PSD3: variants seen among roughly 807,000 people sequenced by gnomAD.
The protein encoded by PSD3 is PH and SEC7 domain-containing protein 3.
A neutral mutation model predicts 105.5 loss-of-function variants in PSD3; 49 were observed. The ratio of observed to expected loss-of-function variants is 0.46; its 90% CI spans 0.37 to 0.59. The LOEUF (loss-of-function observed/expected upper bound fraction) is 0.59. PSD3 is among the 20% of genes least tolerant of loss of function. The probability of loss-of-function intolerance (pLI) is 0.00; values close to 1 mark genes in which losing one functional copy is unlikely to be tolerated. For synonymous variants in PSD3, 557 were observed against 457.8 expected (o/e 1.22, Z -2.77); for missense variants, 1,561 against 1,263.8 (o/e 1.24, Z -3.57).
At chr8:19,074,611 A>ATATATATTTTTTT (rs1324257417) in intron 1 of PSD3, among the ~76,000 whole-genome samples, 1 of 24,230 alleles carries the variant, frequency 4.1e-5, no homozygotes, top group Non-Finnish European at 7.4e-5. Context: ...ATATATATAT[A>ATATATATTTTTTT]TTTTTTTTTT....
intron 1 of PSD3, among the ~76,000 whole-genome samples, chr8:18,957,133 A>G (rs1208424822): frequency 1.3e-5 from 2 of 152,144 alleles, no homozygotes; most frequent in Non-Finnish European, 2.9e-5. Flanking sequence ...ACACTCTGGG[A>G]GGCCAAGGTG....
At chr8:18,620,659 C>T (rs1806049217) in intron 11 of PSD3, among the ~76,000 whole-genome samples, 1 of 151,950 alleles carries the variant, frequency 6.6e-6, no homozygotes, top group South Asian at 2.1e-4. Context: ...GCAGTGAGCC[C>T]AGATCACACC....
chr8:18,808,620 A>C, intron 4 of PSD3: 1 of 1,185,420 alleles, frequency 8.4e-7, no homozygotes, highest in African/African-American at 1.5e-5. Flanking sequence ...GGAGAAAATA[A>C]AGCACAAAGG....
Position 18,632,491 on chromosome 8 carries a change from T to C in PSD3, c.2410+122A>G. ...TTAGGGTTAGAGGCTTTATCCAATT[T>C]CAAGAATGTGTCTATAGATAAACAT... On this transcript the variant is annotated intron_variant, in intron 11 of 15. Coordinates refer to ENST00000327040, the MANE Select transcript of PSD3 (RefSeq NM_015310.4). 4.6e-6 allele frequency: 5 copies of C among 1,079,820 alleles called. No homozygotes were observed. The South Asian group carries it at 8.1e-5, about 17-fold the overall frequency. 66.9% of individuals were successfully genotyped at this position (1,079,820 alleles called of 1,614,324 possible). A position where few individuals can be genotyped will look rare whatever the true frequency, so the allele number is the denominator to read the frequency against.
chr8:18,738,476 G>C (rs779362250), intron 9 of PSD3, among the ~76,000 whole-genome samples: 31 of 152,180 alleles, frequency 2.0e-4, no homozygotes, highest in Non-Finnish European at 4.0e-4. Context: ...ACTGTGAATA[G>C]TTGCTTTTCC....
At chr8:18,665,983 T>C (rs554689457) in intron 9 of PSD3, among the ~76,000 whole-genome samples, 18 of 152,316 alleles carry the variant, frequency 1.2e-4, no homozygotes, top group African/African-American at 4.3e-4. Context: ...GGTGAGACCC[T>C]CCATAAGCAA....
chr8:18,614,349 C>T (rs34451041), intron 11 of PSD3, among the ~76,000 whole-genome samples: 2 of 149,478 alleles, frequency 1.3e-5, no homozygotes, highest in Non-Finnish European at 3.0e-5. Flanking sequence ...ATCCCCCCCC[C>T]AAAAAAATCA....
intron 8 of PSD3, among the ~76,000 whole-genome samples, chr8:18,785,230 T>A (rs145845983): frequency 6.6e-6 from 1 of 152,238 alleles, no homozygotes; most frequent in African/African-American, 2.4e-5. Flanking sequence ...ATCACCTTGA[T>A]GAAATGACCC....
At chr8:18,748,638 C>A (rs945684506) in intron 9 of PSD3, among the ~76,000 whole-genome samples, 2 of 135,308 alleles carry the variant, frequency 1.5e-5, no homozygotes, top group Non-Finnish European at 3.0e-5. Context: ...CCAGCCTGGG[C>A]GACAGAGCGA....
chr8:18,676,742 T>C (rs761887301), intron 9 of PSD3, among the ~76,000 whole-genome samples: 3 of 152,304 alleles, frequency 2.0e-5, no homozygotes, highest in South Asian at 4.1e-4. Context: ...TTAGCCTTGA[T>C]AACAATATCT....
At position 18,936,145 on chromosome 8, in the gene PSD3, G is replaced by A. The variant is rs764214510; in HGVS notation, c.22-3C>T. 4 of 1,596,792 alleles carry A rather than the reference G, an allele frequency of 2.5e-6. No homozygotes were observed. Among genetic ancestry groups the A allele is most frequent in the Non-Finnish European group, 3.4e-6 (4 of 1,166,986 alleles). Reference sequence around the variant, plus strand: ...TTCACCCAAACAAATGTCTCTGCCTGCAAAATAAGAACAAAACAAAGACAC... The same window carrying A: ...TTCACCCAAACAAATGTCTCTGCCTACAAAATAAGAACAAAACAAAGACAC... On this transcript the variant is annotated splice_polypyrimidine_tract_variant and splice_region_variant and intron_variant, in intron 1 of 15. Transcript: ENST00000327040.
chr8:18,612,827 T>TA (rs542819064), intron 11 of PSD3, among the ~76,000 whole-genome samples: 218 of 152,216 alleles, frequency 1.4e-3, no homozygotes, highest in Non-Finnish European at 2.5e-3. Flanking sequence ...ATGCAAACAA[T>TA]AAAAGTAGAC....
intron 9 of PSD3, among the ~76,000 whole-genome samples, chr8:18,658,784 G>A (rs553015402): frequency 6.7e-6 from 1 of 150,214 alleles, no homozygotes; most frequent in Non-Finnish European, 1.5e-5. Context: ...GGGTAAGGAG[G>A]CCTAATAATT....
chr8:19,084,275 G>A (rs1264752415), exon 1 of PSD3: 3 of 456,202 alleles, frequency 6.6e-6, no homozygotes, highest in Non-Finnish European at 1.3e-5. Flanking sequence ...AGTACCTGTA[G>A]AGCCATGCCC....
chr8:19,016,257 G>C (rs183285246), upstream of PSD3, among the ~76,000 whole-genome samples: 1 of 152,308 alleles, frequency 6.6e-6, no homozygotes, highest in East Asian at 1.9e-4. Context: ...GCATGGGCTA[G>C]TGTATATTTA....
At chr8:18,760,238 C>T (rs571770961) in intron 9 of PSD3, among the ~76,000 whole-genome samples, 1 of 152,284 alleles carries the variant, frequency 6.6e-6, no homozygotes, top group East Asian at 1.9e-4. Flanking sequence ...TAACCTATTT[C>T]TCACCTCACA....
intron 14 of PSD3, among the ~76,000 whole-genome samples, chr8:18,565,659 A>C (rs1801693546): frequency 6.6e-6 from 1 of 152,282 alleles, no homozygotes; most frequent in East Asian, 1.9e-4. Context: ...TCACATTTTT[A>C]TACCTGTATT....
intron 1 of PSD3, among the ~76,000 whole-genome samples, chr8:18,988,326 T>A (rs1338294048): frequency 6.6e-6 from 1 of 152,070 alleles, no homozygotes; most frequent in Non-Finnish European, 1.5e-5. Context: ...ATTCCCAAAC[T>A]GCGAATAAGA....
At chr8:18,958,589 A>T (rs1276507619) in intron 1 of PSD3, among the ~76,000 whole-genome samples, 3 of 152,202 alleles carry the variant, frequency 2.0e-5, no homozygotes, top group African/African-American at 7.2e-5. Context: ...TCAACATCAA[A>T]AAGATAATCT....
Sources: allele counts gnomAD v4.1 joint callset (sites outside exome capture counted in the v4.1 genomes callset), GRCh38; gene constraint gnomAD v4.1.1; transcripts MANE v1.5; gene names NCBI Gene and HGNC (gene_info 2026-07-23, HGNC 2026-07-21).